Variants in SOX6 observed in about 807,000 individuals in gnomAD.
SOX6 encodes the protein transcription factor SOX-6.
SOX6 carries 11 observed loss-of-function variants against 97.8 expected under a neutral mutation model. The observed-to-expected ratio is 0.11, with a 90% CI of 0.07 to 0.19. SOX6 has a LOEUF of 0.19. SOX6 is among the 10% of genes least tolerant of loss of function. The pLI, the probability that SOX6 is intolerant of heterozygous loss-of-function variation, is 1.00. For synonymous variants in SOX6, 360 were observed against 371.4 expected, an observed-to-expected ratio of 0.97 and a Z score of 0.35; for missense variants, 810 against 1,039.5, an observed-to-expected ratio of 0.78 and a Z score of 3.04.
At chr11:16,314,707 G>A (rs1018391452) in intron 3 of SOX6, 2 of 152,086 alleles carry the variant, frequency 1.3e-5, no homozygotes, top group African/African-American at 2.4e-5. Flanking sequence ...ATGGATGCAA[G>A]TAACAAACCA....
At chr11:16,020,715 C>A (rs1299969486) in intron 12 of SOX6, among the ~76,000 whole-genome samples, 1 of 152,098 alleles carries the variant, frequency 6.6e-6, no homozygotes, top group Non-Finnish European at 1.5e-5. Flanking sequence ...TACAAAAAGT[C>A]TTAGTTTTGC....
At chr11:16,446,743 C>T (rs912198261) in intron 1 of SOX6, among the ~76,000 whole-genome samples, 1 of 151,966 alleles carries the variant, frequency 6.6e-6, no homozygotes, top group Non-Finnish European at 1.5e-5. Context: ...ATATACTGGC[C>T]TGTAGCATAA....
chr11:16,594,683 G>GCTTTTT (rs1848191009), intron 4 of SOX6, among the ~76,000 whole-genome samples: 1 of 47,806 alleles, frequency 2.1e-5, no homozygotes, highest in African/African-American at 8.1e-5. Context: ...TTCGGTTTTT[G>GCTTTTT]CTTTTTTTTT....
At chr11:16,622,953 G>A (rs72861246) in intron 3 of SOX6, among the ~76,000 whole-genome samples, 8,540 of 151,888 alleles carry the variant, frequency 0.056, 278 homozygotes, top group Non-Finnish European at 0.083. Context: ...TTCTGATTAC[G>A]GCCATTCCTA....
chr11:16,642,820 C>T (rs1035566579), intron 3 of SOX6, among the ~76,000 whole-genome samples: 1 of 152,108 alleles, frequency 6.6e-6, no homozygotes, highest in African/African-American at 2.4e-5. Context: ...TTCATCTAAT[C>T]TTTTTTCAAG....
At chr11:16,213,941 A>G (rs1852297310) in intron 4 of SOX6, among the ~76,000 whole-genome samples, 1 of 152,156 alleles carries the variant, frequency 6.6e-6, no homozygotes. Flanking sequence ...TGTAGATTCT[A>G]CATTTTGATA....
chr11:16,232,314 C>T (rs1466320897), intron 4 of SOX6, among the ~76,000 whole-genome samples: 1 of 151,730 alleles, frequency 6.6e-6, no homozygotes, highest in African/African-American at 2.4e-5. Context: ...ATTCTTGGTA[C>T]ATTTTCTGTA....
chr11:16,484,239 TG>T, intron 4 of SOX6: 1 of 956,494 alleles, frequency 1.0e-6, no homozygotes, highest in Non-Finnish European at 1.7e-6. Context: ...AGCTCCTCCA[TG>T]GCTGCCCATG....
Position 16,201,697 on chromosome 11 carries a change from G to A in SOX6, c.536-14742C>T, listed in dbSNP as rs1269652950. ...CGCCCAGGCTGGAGTGCAGTGGCGGGATCTCGGCTCACTGCAAGCTCCGCC... is the reference window on the plus strand; with the variant it reads ...CGCCCAGGCTGGAGTGCAGTGGCGGAATCTCGGCTCACTGCAAGCTCCGCC... On this transcript the variant is annotated intron_variant, in intron 4 of 15. Transcript: ENST00000683767. 1.2e-3 allele frequency among the ~76,000 whole-genome samples: 150 copies of A among 129,514 alleles called. 3 individuals are homozygous for A. The highest frequency in any genetic ancestry group is 4.1e-3 in the African/African-American group (140 of 33,846). 85.0% of individuals were successfully genotyped at this position (129,514 alleles called of 152,430 possible). A position where few individuals can be genotyped will look rare whatever the true frequency, so the allele number is the denominator to read the frequency against.
chr11:16,091,472 G>A (rs976488506), intron 9 of SOX6, among the ~76,000 whole-genome samples: 6 of 152,046 alleles, frequency 3.9e-5, no homozygotes, highest in Non-Finnish European at 7.4e-5. Context: ...AACAGACAGT[G>A]CAGAGCCTCT....
At chr11:16,660,730 T>C (rs1265812170) in intron 3 of SOX6, among the ~76,000 whole-genome samples, 2 of 152,144 alleles carry the variant, frequency 1.3e-5, no homozygotes, top group Non-Finnish European at 2.9e-5. Context: ...TTAGTACCCT[T>C]ATAAAAGAGA....
At chr11:16,449,403 C>G (rs1451357088) in intron 1 of SOX6, among the ~76,000 whole-genome samples, 2 of 148,752 alleles carry the variant, frequency 1.3e-5, no homozygotes, top group African/African-American at 5.0e-5. Context: ...CGCCATTCTC[C>G]TGCCTCCGCC....
At chr11:16,658,703 G>A (rs566378659) in intron 3 of SOX6, among the ~76,000 whole-genome samples, 7 of 136,344 alleles carry the variant, frequency 5.1e-5, no homozygotes, top group South Asian at 2.8e-4. Context: ...GAGAGACTCC[G>A]TCTCAAAAAA....
intron 2 of SOX6, among the ~76,000 whole-genome samples, chr11:16,325,197 T>C (rs1270688155): frequency 1.3e-5 from 2 of 152,022 alleles, no homozygotes; most frequent in Non-Finnish European, 2.9e-5. Flanking sequence ...TAAATATAAA[T>C]ATCAAAGAAG....
upstream of SOX6, among the ~76,000 whole-genome samples, chr11:16,357,440 G>A (rs1018087988): frequency 2.0e-5 from 3 of 152,206 alleles, no homozygotes; most frequent in South Asian, 2.1e-4. Context: ...TCTGCTATGC[G>A]TACGGTCGGC....
intron 4 of SOX6, among the ~76,000 whole-genome samples, chr11:16,188,186 C>G (rs1003816979): frequency 7.0e-6 from 1 of 142,676 alleles, no homozygotes; most frequent in Non-Finnish European, 1.5e-5. Flanking sequence ...GAGAAGCTAC[C>G]ACATTTAGGA....
intron 3 of SOX6, among the ~76,000 whole-genome samples, chr11:16,296,972 G>T (rs893311): frequency 0.17 from 25,632 of 151,906 alleles, 2,645 homozygotes; most frequent in Admixed American, 0.29. Flanking sequence ...TTTAAAATGT[G>T]TCCATCTTCT....
intron 1 of SOX6, among the ~76,000 whole-genome samples, chr11:16,419,423 AT>A (rs1858986211): frequency 6.6e-6 from 1 of 152,134 alleles, no homozygotes; most frequent in African/African-American, 2.4e-5. Flanking sequence ...GCAGTATTTT[AT>A]TACAATTAAA....
At chr11:16,729,522 C>A (rs1028123974) in intron 2 of SOX6, among the ~76,000 whole-genome samples, 14 of 152,260 alleles carry the variant, frequency 9.2e-5, no homozygotes, top group African/African-American at 3.4e-4. Flanking sequence ...TACAGAGAAG[C>A]AAATGCTGAG....
Sources: allele counts gnomAD v4.1 joint callset (sites outside exome capture counted in the v4.1 genomes callset), GRCh38; gene constraint gnomAD v4.1.1; transcripts MANE v1.5; gene names NCBI Gene and HGNC (gene_info 2026-07-23, HGNC 2026-07-21).